Variants in CLIP2 observed in about 807,000 individuals in gnomAD.
CLIP2 encodes the protein CAP-Gly domain containing linker protein 2.
A neutral mutation model predicts 111.7 loss-of-function variants in CLIP2; 41 were observed. The observed-to-expected ratio is 0.37, with a 90% confidence interval of 0.29 to 0.48. The LOEUF is 0.48. CLIP2 is among the 20% of genes least tolerant of loss of function. CLIP2 has a pLI of 0.99. For synonymous variants in CLIP2, 660 were observed against 644.2 expected (o/e 1.02, Z -0.37); for missense variants, 1,160 against 1,422.1 (o/e 0.82, Z 2.96).
chr7:74,366,632 CTT>C (rs1315401919), intron 8 of CLIP2, among the ~76,000 whole-genome samples: 1 of 152,228 alleles, frequency 6.6e-6, no homozygotes, highest in Non-Finnish European at 1.5e-5. Flanking sequence ...AATCCCAACA[CTT>C]TGGGAGGCCA....
At chr7:74,388,898 A>G in intron 12 of CLIP2, 3 of 470,740 alleles carry the variant, frequency 6.4e-6, no homozygotes, top group South Asian at 7.8e-5. Context: ...GGAGGCTGCA[A>G]TGAGCTATAA....
At chr7:74,392,758 C>A (rs563979270) in intron 13 of CLIP2, among the ~76,000 whole-genome samples, 3 of 151,236 alleles carry the variant, frequency 2.0e-5, no homozygotes, top group Non-Finnish European at 2.9e-5. Flanking sequence ...GTGGAGGTTG[C>A]AGTGAGCCAA....
At chr7:74,343,216 G>A (rs1789708901) in intron 3 of CLIP2, among the ~76,000 whole-genome samples, 2 of 151,742 alleles carry the variant, frequency 1.3e-5, no homozygotes, top group South Asian at 4.2e-4. Flanking sequence ...AAAACCCAGA[G>A]TGGAGCAGGA....
intron 2 of CLIP2, among the ~76,000 whole-genome samples, chr7:74,330,807 T>C (rs1229702989): frequency 1.3e-5 from 2 of 152,146 alleles, no homozygotes; most frequent in African/African-American, 2.4e-5. Context: ...TTTTTTATTT[T>C]TGTGAAGGTC....
intron 1 of CLIP2, among the ~76,000 whole-genome samples, chr7:74,315,945 C>T (rs1411762547): frequency 4.0e-5 from 6 of 149,468 alleles, no homozygotes; most frequent in Non-Finnish European, 5.9e-5. Context: ...CATAGGTAAA[C>T]GTGTGCCATG....
At chr7:74,401,382 CA>C in intron 15 of CLIP2, 122 bp from the exon 16 acceptor site, 1 of 876,110 alleles carries the variant, frequency 1.1e-6, no homozygotes, top group East Asian at 2.6e-5. Flanking sequence ...CTGGGAGCCC[CA>C]GGCTGAAGGG....
chr7:74,397,827 T>C (rs12537953), intron 14 of CLIP2, among the ~76,000 whole-genome samples: 108,964 of 151,090 alleles, frequency 0.72, 39,758 homozygotes, highest in African/African-American at 0.84. Flanking sequence ...CCACCACGCC[T>C]GGCTAATTTT....
rs1325727062 is a variant in CLIP2, at chr7:74,404,930, A to G, written c.*1082A>G. Reference sequence around the variant, plus strand: ...ACCCAGGCCTGGCAGGACCGTGCCTACAGATACTGCAAACGTTCCTACAGC... The same window carrying G: ...ACCCAGGCCTGGCAGGACCGTGCCTGCAGATACTGCAAACGTTCCTACAGC... On this transcript the variant is annotated 3_prime_UTR_variant, in exon 17 of 17. Transcript: ENST00000223398. 2 of 152,112 alleles carry G rather than the reference A, an allele frequency of 1.3e-5. No individual in the cohort carries two copies. Among genetic ancestry groups the G allele is most frequent in the African/African-American group, 4.8e-5 (2 of 41,402 alleles). The allele number at this position is 152,112 out of a possible 1,614,324, so 9.4% of individuals were successfully genotyped here. A position where few individuals can be genotyped will look rare whatever the true frequency, so the allele number is the denominator to read the frequency against.
intron 1 of CLIP2, among the ~76,000 whole-genome samples, chr7:74,293,557 A>G (rs1313703490): frequency 6.6e-6 from 1 of 152,132 alleles, no homozygotes; most frequent in Non-Finnish European, 1.5e-5. Flanking sequence ...GTGGGGGGGC[A>G]GGTCACGTGG....
chr7:74,386,649 G>A (rs782200226), intron 12 of CLIP2, 45 bp downstream of exon 12: 53 of 1,487,356 alleles, frequency 3.6e-5, no homozygotes, highest in Non-Finnish European at 4.8e-5. Context: ...CTTTCACTGG[G>A]GCCGTGCCAT....
chr7:74,300,203 T>G (rs1324609719), intron 1 of CLIP2, among the ~76,000 whole-genome samples: 7 of 151,756 alleles, frequency 4.6e-5, no homozygotes, highest in African/African-American at 1.7e-4. Flanking sequence ...GCCAGGCTGG[T>G]CTCGAACTCC....
intron 12 of CLIP2, 61 bp from the exon 13 acceptor site, chr7:74,389,042 G>A: frequency 1.3e-6 from 2 of 1,538,358 alleles, no homozygotes; most frequent in African/African-American, 2.8e-5. Context: ...TTGCCCTTGG[G>A]TGGGACAGAA....
At chr7:74,385,635 GGCACTGTTA>G (rs763313295) in intron 11 of CLIP2, among the ~76,000 whole-genome samples, 90 of 152,008 alleles carry the variant, frequency 5.9e-4, no homozygotes, top group African/African-American at 1.4e-3. Context: ...CGGTGACCTA[GGCACTGTTA>G]GCACTGTTAG....
chr7:74,378,756 CA>C (rs1231679717), intron 10 of CLIP2, among the ~76,000 whole-genome samples: 5 of 151,910 alleles, frequency 3.3e-5, no homozygotes, highest in Non-Finnish European at 5.9e-5. Flanking sequence ...ATACACAAAC[CA>C]AAAAAACCCG....
intron 1 of CLIP2, among the ~76,000 whole-genome samples, chr7:74,294,514 G>A (rs1250090544): frequency 6.6e-6 from 1 of 152,088 alleles, no homozygotes; most frequent in African/African-American, 2.4e-5. Context: ...ACCCGCTCCC[G>A]ATTCATTTCC....
intron 2 of CLIP2, among the ~76,000 whole-genome samples, chr7:74,323,755 C>T (rs1462217619): frequency 1.3e-5 from 2 of 152,116 alleles, no homozygotes; most frequent in Non-Finnish European, 2.9e-5. Flanking sequence ...TTCAGATGTA[C>T]AAACACTTCC....
intron 2 of CLIP2, among the ~76,000 whole-genome samples, chr7:74,332,469 T>TCG (rs1789319090): frequency 6.8e-6 from 1 of 147,498 alleles, no homozygotes; most frequent in Admixed American, 6.8e-5. Flanking sequence ...TCTTTTTTTT[T>TCG]TTTTTTTTTT....
At chr7:74,293,703 G>A (rs182015067) in intron 1 of CLIP2, among the ~76,000 whole-genome samples, 148 of 152,318 alleles carry the variant, frequency 9.7e-4, no homozygotes, top group African/African-American at 3.3e-3. Context: ...TGGTCAATTA[G>A]CCATTGTGCC....
chr7:74,292,253 C>G (rs1352164301), intron 1 of CLIP2, among the ~76,000 whole-genome samples: 1 of 152,014 alleles, frequency 6.6e-6, no homozygotes, highest in Non-Finnish European at 1.5e-5. Context: ...CCTGCTCTAC[C>G]TCCACTTCCA....
Sources: allele counts gnomAD v4.1 joint callset (sites outside exome capture counted in the v4.1 genomes callset), GRCh38; gene constraint gnomAD v4.1.1; transcripts MANE v1.5; gene names NCBI Gene and HGNC (gene_info 2026-07-23, HGNC 2026-07-21).